The following THSD4 variants were observed in gnomAD, a reference collection of about 807,000 sequenced individuals.
THSD4 encodes the protein thrombospondin type-1 domain-containing protein 4.
In THSD4, 69 loss-of-function variants were observed where a neutral mutation model predicts 119.0. That is an observed-to-expected ratio of 0.58 (90% CI 0.48 to 0.71). The LOEUF (loss-of-function observed/expected upper bound fraction) is 0.71. Among genes scored for constraint, THSD4 ranks in the 30% least tolerant of loss-of-function variants. The pLI is 0.00. For synonymous variants in THSD4, 524 were observed against 540.4 expected (o/e 0.97, Z 0.42); for missense variants, 1,393 against 1,391.1 (o/e 1.00, Z -0.02).
chr15:71,297,851 T>C (rs189931657), intron 6 of THSD4, among the ~76,000 whole-genome samples: 12 of 152,334 alleles, frequency 7.9e-5, no homozygotes, highest in Non-Finnish European at 1.5e-4. Context: ...TTCTGGATAC[T>C]GGAACCTTAT....
In THSD4 at chr15:71,353,048, C is replaced by G. The variant is rs151136457; in HGVS notation, c.1016-58639C>G. 2.9e-3 allele frequency among the ~76,000 whole-genome samples: 436 copies of G among 152,286 alleles called. 1 individual carries two copies. Among genetic ancestry groups the G allele is most frequent in the African/African-American group, 0.01 (423 of 41,556 alleles). ...TCCAAGGACCTTGCAGGCGATAACT[C>G]ACATTCATTCAACACTATCTCATGT... On this transcript the variant is annotated intron_variant, in intron 6 of 17. Coordinates refer to ENST00000261862, the MANE Select transcript of THSD4 (RefSeq NM_024817.3).
At chr15:71,341,601 C>G in intron 6 of THSD4, 1 of 1,591,120 alleles carries the variant, frequency 6.3e-7, no homozygotes, top group African/African-American at 1.3e-5. Context: ...ATATGCATAC[C>G]CTTGATGGCC....
At chr15:71,649,596 A>G (rs1367566579) in intron 7 of THSD4, among the ~76,000 whole-genome samples, 4 of 152,180 alleles carry the variant, frequency 2.6e-5, no homozygotes, top group African/African-American at 7.2e-5. Flanking sequence ...TTTGCTATGC[A>G]GAAGCTCTTA....
chr15:71,339,299 T>A (rs775992320), intron 6 of THSD4, among the ~76,000 whole-genome samples: 21 of 152,126 alleles, frequency 1.4e-4, no homozygotes, highest in Non-Finnish European at 2.6e-4. Context: ...TTTATTGATT[T>A]TTTTAATCCA....
intron 6 of THSD4, among the ~76,000 whole-genome samples, chr15:71,375,235 G>C (rs1443241893): frequency 6.6e-6 from 1 of 152,208 alleles, no homozygotes; most frequent in South Asian, 2.1e-4. Flanking sequence ...ATGAGGCAGA[G>C]TATGTGCATG....
chr15:71,704,370 T>C (rs1422737924), intron 8 of THSD4, among the ~76,000 whole-genome samples: 6 of 152,314 alleles, frequency 3.9e-5, no homozygotes, highest in African/African-American at 1.2e-4. Context: ...AATTGAATCA[T>C]GGGGACAGGT....
At chr15:71,373,435 A>G (rs184616076) in intron 6 of THSD4, among the ~76,000 whole-genome samples, 45 of 152,118 alleles carry the variant, frequency 3.0e-4, no homozygotes, top group Admixed American at 2.8e-3. Flanking sequence ...CATGACTCCT[A>G]TTTTAGGGTC....
chr15:71,744,768 C>A (rs1171358074), intron 11 of THSD4, among the ~76,000 whole-genome samples: 1 of 152,214 alleles, frequency 6.6e-6, no homozygotes, highest in Admixed American at 6.5e-5. Context: ...TATAATCATT[C>A]CCCTGCCTAG....
chr15:71,627,082 C>CTT (rs36125208), intron 7 of THSD4, among the ~76,000 whole-genome samples: 27,499 of 151,138 alleles, frequency 0.18, 2,615 homozygotes, highest in African/African-American at 0.24. Flanking sequence ...TTTTGACACT[C>CTT]TTTTTTTTTA....
At chr15:71,762,180 G>T (rs200276820) in intron 15 of THSD4, among the ~76,000 whole-genome samples, 1 of 101,148 alleles carries the variant, frequency 9.9e-6, no homozygotes, top group African/African-American at 3.5e-5. Flanking sequence ...CACACACACA[G>T]AGATAGAGAT....
Position 71,497,737 on chromosome 15 carries a change from G to C in THSD4, c.1152+85914G>C, listed in dbSNP as rs143317853. On this transcript the variant is annotated intron_variant, in intron 7 of 17. Coordinates refer to ENST00000261862, the MANE Select transcript of THSD4 (RefSeq NM_024817.3). ...GTGTTGTATAGGTCCCCAGACCACT[G>C]TAGTCTCTGTTAGAATTTTTTTTTC... Among the ~76,000 whole-genome samples the C allele has an allele frequency of 7.7e-3, 1,172 of 152,258 alleles. 18 individuals carry two copies. Among genetic ancestry groups the C allele is most frequent in the African/African-American group, 0.026 (1,062 of 41,540 alleles).
intron 2 of THSD4, among the ~76,000 whole-genome samples, chr15:71,143,283 A>G (rs2292854): frequency 0.1 from 15,265 of 152,178 alleles, 1,007 homozygotes; most frequent in East Asian, 0.38. Context: ...TTTTAAAACT[A>G]TAGTTTAAAA....
At position 71,783,255 on chromosome 15, in the gene THSD4, A is replaced by G. The variant is rs1318207814; in HGVS notation, c.*5881A>G. The G allele has an allele frequency of 6.6e-6, 1 of 152,266 alleles. No individual in the cohort carries two copies. The highest frequency in any genetic ancestry group is 2.4e-5 in the African/African-American group (1 of 41,470). The allele number at this position is 152,266 out of a possible 1,614,324, so 9.4% of individuals were successfully genotyped here. On this transcript the variant is annotated 3_prime_UTR_variant, in exon 18 of 18. Coordinates refer to ENST00000261862, the MANE Select transcript of THSD4 (RefSeq NM_024817.3). ...AATTTATTTTTATTATTGTAAAGAT[A>G]CAATAAACCGGTTGAAATATCTGCT...
At chr15:71,562,095 C>T (rs1185257965) in intron 7 of THSD4, among the ~76,000 whole-genome samples, 3 of 152,168 alleles carry the variant, frequency 2.0e-5, no homozygotes, top group African/African-American at 7.2e-5. Flanking sequence ...CCCAGGACCA[C>T]ACAGTTGTTT....
chr15:71,461,588 C>T (rs1375658930), intron 7 of THSD4, among the ~76,000 whole-genome samples: 2 of 152,038 alleles, frequency 1.3e-5, no homozygotes, highest in Non-Finnish European at 2.9e-5. Flanking sequence ...TTATAGGGTC[C>T]ATTAGTATTA....
intron 10 of THSD4, 58 bp downstream of exon 10, chr15:71,731,275 T>C: frequency 4.6e-6 from 7 of 1,518,324 alleles, no homozygotes; most frequent in Non-Finnish European, 6.4e-6. Flanking sequence ...AAGCCTTCTC[T>C]CTCTCAATTC....
At chr15:71,395,960 G>C (rs7495751) in intron 6 of THSD4, among the ~76,000 whole-genome samples, 7,865 of 103,530 alleles carry the variant, frequency 0.076, 281 homozygotes, top group African/African-American at 0.16. Context: ...CACAAACACA[G>C]ACTTTGTTGA....
intron 7 of THSD4, among the ~76,000 whole-genome samples, chr15:71,539,992 G>A (rs961742205): frequency 1.3e-5 from 2 of 152,146 alleles, no homozygotes; most frequent in South Asian, 4.1e-4. Flanking sequence ...CCAGGGCAGT[G>A]CCCTCAGCTT....
At chr15:71,710,968 TTATATC>T (rs2052499446) in intron 8 of THSD4, among the ~76,000 whole-genome samples, 1 of 152,028 alleles carries the variant, frequency 6.6e-6, no homozygotes, top group South Asian at 2.1e-4. Flanking sequence ...ATGGAATTCA[TTATATC>T]TGTTTACCTA....
Sources: allele counts gnomAD v4.1 joint callset (sites outside exome capture counted in the v4.1 genomes callset), GRCh38; gene constraint gnomAD v4.1.1; transcripts MANE v1.5; gene names NCBI Gene and HGNC (gene_info 2026-07-23, HGNC 2026-07-21).